Variants in CHST11 observed in about 807,000 individuals in gnomAD.
The protein encoded by CHST11 is C4S-1.
Under a neutral mutation model 30.4 loss-of-function variants are expected in CHST11, and 9 were observed. That is an observed-to-expected ratio of 0.30 (90% confidence interval 0.18 to 0.52). The LOEUF (loss-of-function observed/expected upper bound fraction) is 0.52. Ranked by LOEUF, CHST11 falls within the 20% of genes least tolerant of loss-of-function variation. The pLI is 0.97. For missense variants in CHST11, 348 were observed against 460.6 expected, an observed-to-expected ratio of 0.76 and a Z score of 2.24; for synonymous variants, 152 against 187.8, an observed-to-expected ratio of 0.81 and a Z score of 1.56.
chr12:104,619,571 A>G (rs994092300), intron 2 of CHST11, among the ~76,000 whole-genome samples: 7 of 152,120 alleles, frequency 4.6e-5, no homozygotes, highest in Non-Finnish European at 5.9e-5. Flanking sequence ...TTGGTGTTCA[A>G]ACAGGAATCA....
chr12:104,553,405 T>G (rs556123872), intron 1 of CHST11: 1 of 152,252 alleles, frequency 6.6e-6, no homozygotes, highest in Non-Finnish European at 1.5e-5. Context: ...GATCTTACAC[T>G]GCTATAAAGA....
At position 104,537,477 on chromosome 12, in the gene CHST11, A is replaced by G. The variant is rs146084903; in HGVS notation, c.119-64429A>G. Among the ~76,000 whole-genome samples, 18 of 152,314 alleles carry G rather than the reference A, an allele frequency of 1.2e-4. No homozygotes were observed. In the East Asian group the frequency reaches 3.5e-3, roughly 29 times the overall value. ...TCTTGGCCCTGCTTCTTATCAGTGG[A>G]ATCACAGGCAAGTTACTTAACTTCA... is the stretch of plus-strand genomic sequence containing the variant. On this transcript the variant is annotated intron_variant, in intron 1 of 2. Coordinates refer to ENST00000303694, the MANE Select transcript of CHST11 (RefSeq NM_018413.6).
chr12:104,565,427 G>A (rs2038554746), intron 1 of CHST11, among the ~76,000 whole-genome samples: 1 of 151,686 alleles, frequency 6.6e-6, no homozygotes, highest in Non-Finnish European at 1.5e-5. Context: ...CCACCATGCT[G>A]GGCTAATTTC....
At chr12:104,475,765 C>A (rs2037554453) in intron 1 of CHST11, among the ~76,000 whole-genome samples, 1 of 138,236 alleles carries the variant, frequency 7.2e-6, no homozygotes, top group Non-Finnish European at 1.5e-5. Context: ...AAAAAAGTTA[C>A]CCCAATCCCT....
chr12:104,721,455 C>A (rs1366871597), intron 2 of CHST11, among the ~76,000 whole-genome samples: 2 of 152,186 alleles, frequency 1.3e-5, no homozygotes, highest in Non-Finnish European at 2.9e-5. Flanking sequence ...GTTCATGTAT[C>A]TCTGTGCCTC....
chr12:104,585,328 C>T (rs12829137), intron 1 of CHST11, among the ~76,000 whole-genome samples: 7,516 of 152,242 alleles, frequency 0.049, 405 homozygotes, highest in African/African-American at 0.13. Flanking sequence ...TGCAACAGCT[C>T]CTCTCTGATT....
At chr12:104,615,402 G>A (rs1264458924) in intron 2 of CHST11, among the ~76,000 whole-genome samples, 2 of 152,150 alleles carry the variant, frequency 1.3e-5, no homozygotes, top group East Asian at 3.9e-4. Context: ...TTGAGAACTC[G>A]GCAAGCTCAG....
chr12:104,465,933 G>A (rs552318958), intron 1 of CHST11, among the ~76,000 whole-genome samples: 20 of 151,762 alleles, frequency 1.3e-4, no homozygotes, highest in South Asian at 1.3e-3. Context: ...TAGTGGCACC[G>A]TCTGGCTCCT....
chr12:104,749,498 A>C (rs1217081219), intron 2 of CHST11, among the ~76,000 whole-genome samples: 1 of 152,228 alleles, frequency 6.6e-6, no homozygotes, highest in Admixed American at 6.5e-5. Context: ...AGGGAATGTA[A>C]GAAGAAAGAC....
chr12:104,555,122 T>C (rs1232364768), intron 1 of CHST11, among the ~76,000 whole-genome samples: 1 of 152,214 alleles, frequency 6.6e-6, no homozygotes, highest in Non-Finnish European at 1.5e-5. Flanking sequence ...GTTTTGTCAA[T>C]GCCAAGCTTG....
At chr12:104,664,823 G>A (rs1243310798) in intron 2 of CHST11, among the ~76,000 whole-genome samples, 1 of 152,164 alleles carries the variant, frequency 6.6e-6, no homozygotes, top group Non-Finnish European at 1.5e-5. Flanking sequence ...TGCAAGAACT[G>A]TTTCATGGAA....
At chr12:104,624,273 G>A (rs11112137) in intron 2 of CHST11, among the ~76,000 whole-genome samples, 48,589 of 152,026 alleles carry the variant, frequency 0.32, 8,148 homozygotes, top group East Asian at 0.53. Context: ...GAAGGGAGAC[G>A]GTTTGAAACA....
chr12:104,720,493 G>A (rs967970319), intron 2 of CHST11, among the ~76,000 whole-genome samples: 3 of 152,172 alleles, frequency 2.0e-5, no homozygotes, highest in South Asian at 2.1e-4. Flanking sequence ...AGGGCTGGAC[G>A]GCAGCTACAC....
At chr12:104,465,467 G>A (rs2037448344) in intron 1 of CHST11, among the ~76,000 whole-genome samples, 1 of 152,192 alleles carries the variant, frequency 6.6e-6, no homozygotes, top group Non-Finnish European at 1.5e-5. Flanking sequence ...GTGGATTTTT[G>A]TTTCTTTCAA....
chr12:104,633,894 C>T (rs1019396586), intron 2 of CHST11, among the ~76,000 whole-genome samples: 4 of 152,192 alleles, frequency 2.6e-5, no homozygotes, highest in South Asian at 2.1e-4. Flanking sequence ...TGCCCCACCT[C>T]TCTGTTCCCT....
intron 2 of CHST11, among the ~76,000 whole-genome samples, chr12:104,751,726 G>A (rs2040433278): frequency 1.3e-5 from 2 of 152,200 alleles, no homozygotes; most frequent in South Asian, 4.1e-4. Flanking sequence ...ATGCTGAAAT[G>A]TACCTTATTT....
At chr12:104,696,206 T>C (rs1185841253) in intron 2 of CHST11, among the ~76,000 whole-genome samples, 1 of 152,092 alleles carries the variant, frequency 6.6e-6, no homozygotes, top group African/African-American at 2.4e-5. Flanking sequence ...TTTCCTTTTG[T>C]CTACTTGGGA....
chr12:104,613,560 G>T (rs560976969), intron 2 of CHST11, among the ~76,000 whole-genome samples: 1 of 152,180 alleles, frequency 6.6e-6, no homozygotes, highest in Non-Finnish European at 1.5e-5. Context: ...GTTTGAAAGT[G>T]TGTAGCACCT....
At chr12:104,594,427 C>T (rs567355461) in intron 1 of CHST11, among the ~76,000 whole-genome samples, 4 of 152,214 alleles carry the variant, frequency 2.6e-5, no homozygotes, top group South Asian at 2.1e-4. Context: ...ATGTAGTTTT[C>T]GGGAGGACTT....
Sources: gnomAD v4.1 joint callset for allele counts (sites outside exome capture counted in the v4.1 genomes callset) on GRCh38, gnomAD v4.1.1 for gene constraint, MANE v1.5 for transcripts, NCBI Gene and HGNC (gene_info 2026-07-23, HGNC 2026-07-21) for gene names.